DNM1L: variants seen among roughly 807,000 people sequenced by gnomAD.
DNM1L encodes the protein dynamin 1L, also known as dynamin-1-like protein.
DNM1L carries 33 observed loss-of-function variants against 92.8 expected under a neutral mutation model. That is an observed-to-expected ratio of 0.36 (90% CI 0.27 to 0.48). The LOEUF is 0.48. Among genes scored for constraint, DNM1L ranks in the 20% least tolerant of loss-of-function variants. DNM1L has a pLI of 0.99. For synonymous variants in DNM1L, 284 were observed against 305.0 expected, an observed-to-expected ratio of 0.93 and a Z score of 0.72; for missense variants, 485 against 888.8, an observed-to-expected ratio of 0.55 and a Z score of 5.78.
chr12:32,680,753 C>T (rs1298212319), intron 1 of DNM1L, among the ~76,000 whole-genome samples: 1 of 152,152 alleles, frequency 6.6e-6, no homozygotes, highest in Non-Finnish European at 1.5e-5. Flanking sequence ...AGTAAGTGCT[C>T]TGTAAATATT....
At chr12:32,680,089 T>G (rs1334691943) in intron 1 of DNM1L, 1 of 855,196 alleles carries the variant, frequency 1.2e-6, no homozygotes, top group African/African-American at 1.8e-5. Flanking sequence ...TATCTAGAGT[T>G]CTGCGGGTGT....
rs1049398646 is a variant in DNM1L at position 32,732,607 on chromosome 12, G to A, written c.1446+664G>A. ...TACTAAGAGTACAAAACCATCCTTG[G>A]AATGTAAGTGCTGCTGCTTGGTTGT... On this transcript the variant is annotated intron_variant, in intron 12 of 19. Coordinates refer to ENST00000549701, the MANE Select transcript of DNM1L (RefSeq NM_012062.5). The A allele has an allele frequency of 4.2e-5, 19 of 455,438 alleles. No homozygotes were observed. The Admixed American group carries it at 4.5e-4, about 11-fold the overall frequency. 28.2% of individuals were successfully genotyped at this position (455,438 alleles called of 1,614,324 possible).
intron 16 of DNM1L, 80 bp downstream of exon 16, chr12:32,738,376 C>G: frequency 2.0e-6 from 3 of 1,484,318 alleles, no homozygotes; most frequent in East Asian, 2.3e-5. Flanking sequence ...ATTAAAGAAC[C>G]TGTTTGTGTA....
At chr12:32,713,989 A>G (rs1342118238) in intron 6 of DNM1L, among the ~76,000 whole-genome samples, 1 of 152,212 alleles carries the variant, frequency 6.6e-6, no homozygotes, top group East Asian at 1.9e-4. Context: ...ATTAGTTCAT[A>G]CTGTGGGTCA....
At position 32,709,229 on chromosome 12, in the gene DNM1L, C is replaced by T. The variant is rs189344746; in HGVS notation, c.369+1005C>T. Among the ~76,000 whole-genome samples the T allele has an allele frequency of 2.0e-4, 31 of 152,132 alleles. 1 individual carries two copies. Among genetic ancestry groups the T allele is most frequent in the Admixed American group, 1.6e-3 (25 of 15,274 alleles). ...TTTCTAGTAACCATGTTGTATAGAA[C>T]GGGTTGAAAAAGTGGCCAGAAACTA... is the stretch of plus-strand genomic sequence containing the variant. On this transcript the variant is annotated intron_variant, in intron 4 of 19. Transcript: ENST00000549701.
chr12:32,714,024 G>A (rs1953250838), intron 6 of DNM1L, among the ~76,000 whole-genome samples: 1 of 152,046 alleles, frequency 6.6e-6, no homozygotes, highest in African/African-American at 2.4e-5. Context: ...ATGATGTAGT[G>A]CACATCTCAT....
chr12:32,731,587 A>T lies in DNM1L; in HGVS notation c.1356+76A>T. Reference sequence around the variant, plus strand: ...AGTGGTGGTTTCACTGGGTGGAAGGAAATGTATAAGATGGGATACAAGGTA... The same window carrying T: ...AGTGGTGGTTTCACTGGGTGGAAGGTAATGTATAAGATGGGATACAAGGTA... On this transcript the variant is annotated intron_variant, in intron 11 of 19. Transcript: ENST00000549701. The surrounding 1 kb of genome is among the most constrained non-coding windows in gnomAD (Gnocchi z 5.1). 1.3e-6 allele frequency: 2 copies of T among 1,574,678 alleles called. No individual in the cohort carries two copies. The highest frequency in any genetic ancestry group is 1.1e-5 in the South Asian group (1 of 89,654).
At position 32,743,448 on chromosome 12, in the gene DNM1L, A is replaced by C. The variant is rs2137620707; in HGVS notation, c.*38A>C. On this transcript the variant is annotated 3_prime_UTR_variant, in exon 20 of 20. Transcript: ENST00000549701. ...AATACTGAGACTTTGTTGACTCAAA[A>C]CTTGCTAGTTACTGCCTACCTGAGT... 6.3e-7 allele frequency: 1 copy of C among 1,598,698 alleles called. No homozygotes were observed. The highest frequency in any genetic ancestry group is 8.6e-7 in the Non-Finnish European group (1 of 1,166,352).
chr12:32,739,500 C>A (rs1461942700), intron 16 of DNM1L, among the ~76,000 whole-genome samples: 1 of 152,206 alleles, frequency 6.6e-6, no homozygotes, highest in Non-Finnish European at 1.5e-5. Context: ...CAGTGACTGT[C>A]AGCCTAAGAA....
chr12:32,687,157 T>C (rs904942218), intron 1 of DNM1L, among the ~76,000 whole-genome samples: 13 of 148,256 alleles, frequency 8.8e-5, no homozygotes, highest in Non-Finnish European at 6.0e-5. Context: ...TTTATCTTTT[T>C]TTTTCCTTTT....
At chr12:32,701,774 C>A (rs1952710751) in intron 2 of DNM1L, among the ~76,000 whole-genome samples, 1 of 151,756 alleles carries the variant, frequency 6.6e-6, no homozygotes, top group Non-Finnish European at 1.5e-5. Flanking sequence ...GTCGCCCAGG[C>A]TGGAGTGCAG....
chr12:32,717,468 A>G (rs1953510142), intron 6 of DNM1L, among the ~76,000 whole-genome samples: 2 of 105,190 alleles, frequency 1.9e-5, no homozygotes, highest in African/African-American at 8.3e-5. Context: ...TTTTAAATAT[A>G]TAGTATATAT....
chr12:32,735,920 T>A (rs1239225195), intron 13 of DNM1L, among the ~76,000 whole-genome samples: 1 of 151,990 alleles, frequency 6.6e-6, no homozygotes, highest in Non-Finnish European at 1.5e-5. Flanking sequence ...TTAACTTATA[T>A]TTTTTTGCAA....
chr12:32,701,072 C>T (rs763837012), intron 1 of DNM1L, among the ~76,000 whole-genome samples: 1 of 152,038 alleles, frequency 6.6e-6, no homozygotes, highest in Admixed American at 6.6e-5. Context: ...GTCGGGAGTT[C>T]GAGACCAGCC....
chr12:32,730,945 A>G, intron 9 of DNM1L, 69 bp from the exon 10 acceptor site: 1 of 1,606,230 alleles, frequency 6.2e-7, no homozygotes, highest in South Asian at 1.1e-5. Flanking sequence ...AGCTTCTAGA[A>G]AGACTTCTAA....
intron 1 of DNM1L, among the ~76,000 whole-genome samples, chr12:32,693,358 AT>A (rs1365973561): frequency 6.6e-6 from 1 of 152,096 alleles, no homozygotes; most frequent in Non-Finnish European, 1.5e-5. Flanking sequence ...TGTGGGAGTT[AT>A]TTATACATTT....
chr12:32,696,938 C>A (rs148479997), intron 1 of DNM1L, among the ~76,000 whole-genome samples: 1,672 of 150,608 alleles, frequency 0.011, 26 homozygotes, highest in African/African-American at 0.039. Flanking sequence ...TGTACACTTT[C>A]TTATCTTAAA....
intron 1 of DNM1L, among the ~76,000 whole-genome samples, chr12:32,700,112 A>G (rs1263236029): frequency 6.6e-6 from 1 of 151,530 alleles, no homozygotes; most frequent in Non-Finnish European, 1.5e-5. Flanking sequence ...ACATAGTAGA[A>G]TACTGTTTTA....
chr12:32,696,904 C>T (rs866269872), intron 1 of DNM1L, among the ~76,000 whole-genome samples: 5 of 150,332 alleles, frequency 3.3e-5, no homozygotes, highest in Non-Finnish European at 5.9e-5. Flanking sequence ...GGATTACAGG[C>T]GTGAGCCACC....
Sources: allele counts gnomAD v4.1 joint callset (sites outside exome capture counted in the v4.1 genomes callset), GRCh38; gene constraint gnomAD v4.1.1; non-coding constraint Gnocchi (gnomAD v3.1); transcripts MANE v1.5; gene names NCBI Gene and HGNC (gene_info 2026-07-23, HGNC 2026-07-21).